RANBP2: variants seen among roughly 807,000 people sequenced by gnomAD.
RANBP2 encodes E3 SUMO-protein ligase RanBP2.
A neutral mutation model predicts 303.6 loss-of-function variants in RANBP2; 57 were observed. The observed-to-expected ratio is 0.19, with a 90% CI of 0.15 to 0.23. The LOEUF is 0.23. Among genes scored for constraint, RANBP2 ranks in the 10% least tolerant of loss-of-function variants. The pLI, the probability that RANBP2 is intolerant of heterozygous loss-of-function variation, is 1.00. For synonymous variants in RANBP2, 1,167 were observed against 1,301.5 expected, an observed-to-expected ratio of 0.90 and a Z score of 2.23; for missense variants, 3,138 against 3,780.8, an observed-to-expected ratio of 0.83 and a Z score of 4.46.
the RANBP2 span, chr2:109,565,780 G>C: frequency 1.9e-6 from 3 of 1,613,656 alleles, no homozygotes; most frequent in Non-Finnish European, 2.5e-6. Flanking sequence ...AACACCCCAA[G>C]GGTACTGGCG....
chr2:109,150,483 A>G, the RANBP2 span, among the ~76,000 whole-genome samples: 186 of 152,318 alleles, frequency 1.2e-3, 4 homozygotes, highest in Middle Eastern at 0.01. Flanking sequence ...GTTTTTTTAC[A>G]AAAACGAGGA....
At chr2:109,312,976 T>TC in the RANBP2 span, among the ~76,000 whole-genome samples, 1 of 152,178 alleles carries the variant, frequency 6.6e-6, no homozygotes, top group Non-Finnish European at 1.5e-5. Context: ...GGATTTCACT[T>TC]TTATCTACAG....
the RANBP2 span, among the ~76,000 whole-genome samples, chr2:109,435,765 T>A: frequency 6.6e-6 from 1 of 152,362 alleles, no homozygotes; most frequent in African/African-American, 2.4e-5. Flanking sequence ...GCCCACTTTA[T>A]TTAGTTTTTA....
chr2:108,796,364 A>G, the RANBP2 span, among the ~76,000 whole-genome samples: 8 of 152,270 alleles, frequency 5.3e-5, no homozygotes, highest in African/African-American at 9.6e-5. Flanking sequence ...AAATCAGTCT[A>G]TAGTTTAATC....
At chr2:109,358,995 GT>G in the RANBP2 span, among the ~76,000 whole-genome samples, 1,868 of 152,260 alleles carry the variant, frequency 0.012, 40 homozygotes, top group African/African-American at 0.038. Flanking sequence ...TTTTTTGCAT[GT>G]GGATGTCTAG....
chr2:109,143,809 T>TAC, the RANBP2 span, among the ~76,000 whole-genome samples: 94,461 of 148,712 alleles, frequency 0.64, 32,407 homozygotes, highest in Non-Finnish European at 0.79. Context: ...CTGTGCTGTA[T>TAC]ACACACACAC....
At chr2:108,975,240 G>C in the RANBP2 span, among the ~76,000 whole-genome samples, 1 of 152,230 alleles carries the variant, frequency 6.6e-6, no homozygotes. Context: ...CACAGGGATA[G>C]CAGCTGCGGC....
chr2:108,816,164 G>A, the RANBP2 span: 1 of 1,320,666 alleles, frequency 7.6e-7, no homozygotes, highest in Admixed American at 2.0e-5. Context: ...AAAAGGAAAA[G>A]CCAGGGCCAG....
chr2:109,371,017 C>A, the RANBP2 span, among the ~76,000 whole-genome samples: 41 of 152,196 alleles, frequency 2.7e-4, no homozygotes, highest in Non-Finnish European at 4.1e-4. Flanking sequence ...ATAGGAGTTG[C>A]ATTTTAAAGC....
the RANBP2 span, among the ~76,000 whole-genome samples, chr2:109,296,158 G>A: frequency 6.6e-6 from 1 of 152,048 alleles, no homozygotes; most frequent in Non-Finnish European, 1.5e-5. Flanking sequence ...GCCCATGTCA[G>A]CATTATCCCC....
the RANBP2 span, among the ~76,000 whole-genome samples, chr2:108,813,794 A>T: frequency 6.6e-6 from 1 of 152,164 alleles, no homozygotes; most frequent in Non-Finnish European, 1.5e-5. Context: ...TTTCCTGGTC[A>T]TTCTTTTCTG....
the RANBP2 span, among the ~76,000 whole-genome samples, chr2:108,872,437 C>G: frequency 6.6e-6 from 1 of 152,188 alleles, no homozygotes; most frequent in Non-Finnish European, 1.5e-5. Context: ...ACTTTTACTA[C>G]ATAGTTATAT....
At chr2:109,463,316 G>A in the RANBP2 span, among the ~76,000 whole-genome samples, 1 of 152,298 alleles carries the variant, frequency 6.6e-6, no homozygotes, top group South Asian at 2.1e-4. Flanking sequence ...CTTGTCTCAC[G>A]GTATTACCAC....
the RANBP2 span, among the ~76,000 whole-genome samples, chr2:109,733,708 C>CA: frequency 2.0e-5 from 3 of 151,650 alleles, no homozygotes; most frequent in African/African-American, 7.3e-5. Flanking sequence ...CACGAAAAAA[C>CA]AAAAAATCAA....
chr2:109,294,937 G>A, the RANBP2 span, among the ~76,000 whole-genome samples: 1 of 152,232 alleles, frequency 6.6e-6, no homozygotes, highest in Non-Finnish European at 1.5e-5. Flanking sequence ...AGTGGAAACA[G>A]CACTTTCCCA....
the RANBP2 span, among the ~76,000 whole-genome samples, chr2:109,391,315 G>A: frequency 6.6e-6 from 1 of 152,232 alleles, no homozygotes; most frequent in Non-Finnish European, 1.5e-5. Context: ...AGCCATTACA[G>A]GACGGGGACC....
At chr2:109,398,578 T>A in the RANBP2 span, 1 of 1,540,502 alleles carries the variant, frequency 6.5e-7, no homozygotes, top group Admixed American at 1.9e-5. Context: ...CCCTCTCCCC[T>A]TTCTCACTCA....
chr2:109,401,750 T>G, the RANBP2 span, among the ~76,000 whole-genome samples: 1 of 152,184 alleles, frequency 6.6e-6, no homozygotes, highest in African/African-American at 2.4e-5. Context: ...CATCCTCACC[T>G]GCACCAGCCT....
At chr2:109,027,511 C>T in the RANBP2 span, among the ~76,000 whole-genome samples, 1 of 152,164 alleles carries the variant, frequency 6.6e-6, no homozygotes, top group African/African-American at 2.4e-5. Flanking sequence ...AAGGCACAGG[C>T]TCTGAGCCTG....
Sources: allele counts gnomAD v4.1 joint callset (sites outside exome capture counted in the v4.1 genomes callset), GRCh38; gene constraint gnomAD v4.1.1; transcripts MANE v1.5; gene names NCBI Gene and HGNC (gene_info 2026-07-23, HGNC 2026-07-21).